The following HHIPL1 variants were observed in gnomAD, a reference collection of about 807,000 sequenced individuals.
HHIPL1 encodes HHIP like 1.
In HHIPL1, 43 loss-of-function variants were observed where a neutral mutation model predicts 61.8. The ratio of observed to expected loss-of-function variants is 0.70; its 90% CI spans 0.55 to 0.90. The LOEUF (loss-of-function observed/expected upper bound fraction) is 0.90. HHIPL1 is among the 40% of genes least tolerant of loss of function. The probability of loss-of-function intolerance (pLI) is 0.00; values close to 1 mark genes in which losing one functional copy is unlikely to be tolerated. For synonymous variants in HHIPL1, 482 were observed against 515.8 expected (o/e 0.93, Z 0.89); for missense variants, 1,056 against 1,157.7 (o/e 0.91, Z 1.28).
chr14:99,628,466 A>C, the HHIPL1 span, among the ~76,000 whole-genome samples: 1 of 151,908 alleles, frequency 6.6e-6, no homozygotes, highest in Non-Finnish European at 1.5e-5. Flanking sequence ...CTGTAATCCC[A>C]GCTACTTGGG....
Position 99,659,644 on chromosome 14 carries a change from C to T in HHIPL1, c.1263C>T (p.Gly421=). 6.4e-7 allele frequency: 1 copy of T among 1,552,908 alleles called. No individual in the cohort carries two copies. Among genetic ancestry groups the T allele is most frequent in the Non-Finnish European group, 8.7e-7 (1 of 1,154,550 alleles). ...GGCGCCTCTTCTGCGGCGACGTGGGCCAGAACAAGTTCGAGGAGGTGGACG... is the reference window on the plus strand; with the variant it reads ...GGCGCCTCTTCTGCGGCGACGTGGGTCAGAACAAGTTCGAGGAGGTGGACG... The part of the protein sequence containing the change: ...GRGRLFCGDV[G]QNKFEEVDVV... The change falls in exon 4 of 9, where the codon GGC becomes GGT. Residue 421 remains glycine, a synonymous_variant. Coordinates refer to ENST00000330710, the MANE Select transcript of HHIPL1 (RefSeq NM_001127258.3).
chr14:99,645,143 C>T lies in HHIPL1; in HGVS notation c.-65C>T, dbSNP rs2055806999. On this transcript the variant is annotated 5_prime_UTR_variant, in exon 1 of 9. Transcript: ENST00000330710. ...GGAGCGCCCGCCCCTTCCCTGCCGC[C>T]GCGAGCGCCCCGGGAGGGGACCGGG... is the stretch of plus-strand genomic sequence containing the variant. The T allele has an allele frequency of 1.6e-6, 2 of 1,235,920 alleles. No homozygotes were observed. The highest frequency in any genetic ancestry group is 2.0e-6 in the Non-Finnish European group (2 of 988,432). 76.6% of individuals were successfully genotyped at this position (1,235,920 alleles called of 1,614,324 possible).
chr14:99,651,978 A>G (rs535935091), intron 1 of HHIPL1, among the ~76,000 whole-genome samples: 1 of 152,304 alleles, frequency 6.6e-6, no homozygotes, highest in South Asian at 2.1e-4. Context: ...CAGGTGCTCC[A>G]GAGTAGCTGC....
chr14:99,665,061 T>C (rs1386432433), intron 6 of HHIPL1, among the ~76,000 whole-genome samples: 1 of 152,200 alleles, frequency 6.6e-6, no homozygotes, highest in Non-Finnish European at 1.5e-5. Context: ...GCAGCTGGGA[T>C]TACTGGTGCG....
rs933399041 is a variant in HHIPL1 at position 99,677,271 on chromosome 14, G to A, written c.*1645G>A. 4.6e-5 allele frequency: 7 copies of A among 152,248 alleles called. No individual in the cohort carries two copies. The highest frequency in any genetic ancestry group is 8.8e-5 in the Non-Finnish European group (6 of 68,076). The allele number at this position is 152,248 out of a possible 1,614,324, so 9.4% of individuals were successfully genotyped here. On this transcript the variant is annotated 3_prime_UTR_variant, in exon 9 of 9. Transcript: ENST00000330710. The surrounding 1 kb of genome is among the most constrained non-coding windows in gnomAD (Gnocchi z 4.3). ...TTTGAATACAGCAGCTTAGTTTAGA[G>A]TCCCCGCACCCTAACCACTGCCCTC... is the stretch of plus-strand genomic sequence containing the variant.
chr14:99,627,980 G>T, the HHIPL1 span, among the ~76,000 whole-genome samples: 2 of 152,120 alleles, frequency 1.3e-5, no homozygotes, highest in Non-Finnish European at 2.9e-5. This position sits in a 1 kb window ranked among gnomAD's most constrained non-coding sequence, Gnocchi z 4.4. Context: ...AGTGGGAGGG[G>T]CGGCTGTTAG....
chr14:99,679,803 A>G lies in HHIPL1; in HGVS notation c.*4177A>G, dbSNP rs567008601. 1 of 152,292 alleles carries G rather than the reference A, an allele frequency of 6.6e-6. No individual in the cohort carries two copies. Among genetic ancestry groups the G allele is most frequent in the South Asian group, 2.1e-4 (1 of 4,836 alleles). The allele number at this position is 152,292 out of a possible 1,614,324, so 9.4% of individuals were successfully genotyped here. On this transcript the variant is annotated 3_prime_UTR_variant, in exon 9 of 9. Transcript: ENST00000330710. The stretch of plus-strand genomic sequence containing the variant: ...CTGGCAGCAGCCAACTGTCTGCGAC[A>G]GAGTGAGGAGGGGCATGCCACGTGA...
the HHIPL1 span, among the ~76,000 whole-genome samples, chr14:99,636,385 C>T: frequency 2.0e-5 from 3 of 152,164 alleles, no homozygotes; most frequent in African/African-American, 4.8e-5. Context: ...GCCCGCATGA[C>T]GTGGCACAGG....
chr14:99,671,563 G>A (rs1293771508), intron 7 of HHIPL1, among the ~76,000 whole-genome samples: 1 of 152,162 alleles, frequency 6.6e-6, no homozygotes, highest in Non-Finnish European at 1.5e-5. Context: ...TTGAAGTCGT[G>A]GGCCCACGTG....
chr14:99,657,910 CACACACATACACACATACATACACAT>C (rs1236909069), intron 3 of HHIPL1, among the ~76,000 whole-genome samples: 2 of 151,658 alleles, frequency 1.3e-5, no homozygotes, highest in Non-Finnish European at 2.9e-5. Flanking sequence ...TCCACATGTA[CACACACATACACACATACATACACAT>C]ACACACATCT....
upstream of HHIPL1, among the ~76,000 whole-genome samples, chr14:99,640,325 C>T (rs1339218156): frequency 6.6e-6 from 1 of 152,152 alleles, no homozygotes; most frequent in Non-Finnish European, 1.5e-5. Context: ...TGCTCTGTCA[C>T]CCAGGCTAGA....
chr14:99,668,372 C>G lies in HHIPL1; in HGVS notation c.1730+69C>G. The G allele has an allele frequency of 1.1e-6, 1 of 931,136 alleles. No individual in the cohort carries two copies. 57.7% of individuals were successfully genotyped at this position (931,136 alleles called of 1,614,324 possible). A position where few individuals can be genotyped will look rare whatever the true frequency, so the allele number is the denominator to read the frequency against. On this transcript the variant is annotated intron_variant, in intron 7 of 8. Transcript: ENST00000330710. This position sits in a 1 kb window ranked among gnomAD's most constrained non-coding sequence, Gnocchi z 4.7. The stretch of plus-strand genomic sequence containing the variant: ...GGCCTCTTAGCTCCACGGGCTTGTC[C>G]CCTCCGCCTCGCCCTCAGGTGGGTG...
the HHIPL1 span, among the ~76,000 whole-genome samples, chr14:99,626,657 G>A: frequency 6.6e-6 from 1 of 152,206 alleles, no homozygotes; most frequent in African/African-American, 2.4e-5. Flanking sequence ...ATTTCTTTCT[G>A]CTCTCTGAGG....
Position 99,675,431 on chromosome 14 carries a change from T to C in HHIPL1, c.2154T>C (p.Phe718=), listed in dbSNP as rs1271220121. The change falls in exon 9 of 9, where the codon TTT becomes TTC. Residue 718 remains phenylalanine (F), a synonymous_variant. Coordinates refer to ENST00000330710, the MANE Select transcript of HHIPL1 (RefSeq NM_001127258.3). The surrounding 1 kb of genome is among the most constrained non-coding windows in gnomAD (Gnocchi z 5.4). ...GAAVVCRQLG[F]AYAVRAVKRA... ...CCGTCGTGTGTCGCCAGCTGGGGTT[T>C]GCCTACGCCGTGCGCGCCGTCAAGA... 2.6e-6 allele frequency: 4 copies of C among 1,534,968 alleles called. No individual in the cohort carries two copies. The Admixed American group carries it at 5.9e-5, about 23-fold the overall frequency.
At chr14:99,637,201 G>GAAGAAAGAAAGAAGGAAAGA in the HHIPL1 span, among the ~76,000 whole-genome samples, 3 of 87,262 alleles carry the variant, frequency 3.4e-5, no homozygotes, top group African/African-American at 1.3e-4. Flanking sequence ...AGAAAGAAAG[G>GAAGAAAGAAAGAAGGAAAGA]AAGAAAGAAA....
chr14:99,628,014 T>C, the HHIPL1 span, among the ~76,000 whole-genome samples: 6 of 151,966 alleles, frequency 3.9e-5, no homozygotes, highest in Admixed American at 2.6e-4. Flanking sequence ...ATGATCAGTT[T>C]GGCAGTCCTA....
At chr14:99,613,578 T>A in the HHIPL1 span, among the ~76,000 whole-genome samples, 19 of 151,926 alleles carry the variant, frequency 1.3e-4, no homozygotes, top group Admixed American at 3.9e-4. Flanking sequence ...GAATTATAGG[T>A]GTGAGCCACG....
chr14:99,657,777 C>T (rs549531666), intron 3 of HHIPL1, among the ~76,000 whole-genome samples: 29 of 151,632 alleles, frequency 1.9e-4, no homozygotes, highest in Non-Finnish European at 3.5e-4. Flanking sequence ...GCATATGCTA[C>T]ATATACACAG....
At chr14:99,641,513 A>G (rs1314163440), upstream of HHIPL1, among the ~76,000 whole-genome samples, 2 of 151,658 alleles carry the variant, frequency 1.3e-5, no homozygotes, top group African/African-American at 4.9e-5. Flanking sequence ...TCCCAGGTTC[A>G]AGCAATCCTC....
Sources: allele counts gnomAD v4.1 joint callset (sites outside exome capture counted in the v4.1 genomes callset), GRCh38; gene constraint gnomAD v4.1.1; non-coding constraint Gnocchi (gnomAD v3.1); transcripts MANE v1.5; gene names NCBI Gene and HGNC (gene_info 2026-07-23, HGNC 2026-07-21).